CBFA2T3: variants seen among roughly 807,000 people sequenced by gnomAD.
The protein encoded by CBFA2T3 is CBFA2/RUNX1 partner transcriptional co-repressor 3.
In CBFA2T3, 31 loss-of-function variants were observed where a neutral mutation model predicts 58.6. The ratio of observed to expected loss-of-function variants is 0.53; its 90% CI spans 0.40 to 0.71. The LOEUF is 0.71. Ranked by LOEUF, CBFA2T3 falls within the 30% of genes least tolerant of loss-of-function variation. CBFA2T3 has a pLI of 0.00. For synonymous variants in CBFA2T3, 531 were observed against 421.9 expected, an observed-to-expected ratio of 1.26 and a Z score of -3.17; for missense variants, 1,076 against 963.1, an observed-to-expected ratio of 1.12 and a Z score of -1.55.
Position 88,950,286 on chromosome 16 carries a change from C to T in CBFA2T3, c.151+26371G>A, listed in dbSNP as rs577724964. ...GTTCACCCGTCCCCTGGACCGGCAC[C>T]GCCACAGAGGGTCAGAGTGTTGGCA... On this transcript the variant is annotated intron_variant, in intron 1 of 11. Coordinates refer to ENST00000268679, the MANE Select transcript of CBFA2T3 (RefSeq NM_005187.6). 1.5e-3 allele frequency: 651 copies of T among 426,664 alleles called. 2 individuals carry two copies. Among genetic ancestry groups the T allele is most frequent in the Non-Finnish European group, 2.7e-3 (565 of 211,116 alleles). 26.4% of individuals were successfully genotyped at this position (426,664 alleles called of 1,614,324 possible).
chr16:88,886,195 C>T, intron 5 of CBFA2T3, 53 bp from the exon 6 acceptor site: 11 of 1,374,752 alleles, frequency 8.0e-6, no homozygotes, highest in Non-Finnish European at 8.6e-6. Flanking sequence ...CACAGCCCTG[C>T]TCAGGTCCGA....
intron 1 of CBFA2T3, among the ~76,000 whole-genome samples, chr16:88,972,338 G>A (rs368241662): frequency 9.9e-5 from 15 of 152,128 alleles, no homozygotes; most frequent in African/African-American, 3.6e-4. Flanking sequence ...GAGATAGTTG[G>A]GGGGGAGTCA....
intron 1 of CBFA2T3, among the ~76,000 whole-genome samples, chr16:88,932,395 G>T (rs900745765): frequency 4.6e-5 from 7 of 152,164 alleles, no homozygotes; most frequent in Admixed American, 2.6e-4. Flanking sequence ...AGCACTTTGG[G>T]AGGCTGAGGT....
intron 1 of CBFA2T3, among the ~76,000 whole-genome samples, chr16:88,925,106 G>A (rs978008578): frequency 2.6e-5 from 4 of 152,272 alleles, no homozygotes; most frequent in African/African-American, 4.8e-5. Context: ...CACAGCAACG[G>A]CCTCGTCCTG....
At chr16:88,922,741 G>C (rs748055861) in intron 1 of CBFA2T3, among the ~76,000 whole-genome samples, 11 of 152,218 alleles carry the variant, frequency 7.2e-5, no homozygotes, top group Non-Finnish European at 1.5e-4. Flanking sequence ...CCCCTTCCTG[G>C]AATCCCATCC....
chr16:88,963,617 T>C (rs1362339933), intron 1 of CBFA2T3, among the ~76,000 whole-genome samples: 2 of 152,288 alleles, frequency 1.3e-5, no homozygotes, highest in African/African-American at 4.8e-5. Context: ...TTCCATAAAA[T>C]GGGACCAGAC....
intron 1 of CBFA2T3, among the ~76,000 whole-genome samples, chr16:88,961,637 T>C (rs945547438): frequency 5.0e-5 from 6 of 118,900 alleles, no homozygotes; most frequent in Non-Finnish European, 8.7e-5. Flanking sequence ...TCCCACTCCA[T>C]AGTAACCGAC....
intron 1 of CBFA2T3, among the ~76,000 whole-genome samples, chr16:88,945,260 AG>A (rs1454618130): frequency 6.6e-6 from 1 of 152,232 alleles, no homozygotes; most frequent in African/African-American, 2.4e-5. Flanking sequence ...TAGAACAGTG[AG>A]TTTTTAAATA....
intron 3 of CBFA2T3, among the ~76,000 whole-genome samples, chr16:88,892,893 C>G (rs537074298): frequency 6.6e-6 from 1 of 152,322 alleles, no homozygotes; most frequent in East Asian, 1.9e-4. Context: ...GGGACTTGCT[C>G]TGGGGCTGAA....
intron 1 of CBFA2T3, among the ~76,000 whole-genome samples, chr16:88,917,626 G>A (rs1396431721): frequency 6.6e-6 from 1 of 152,190 alleles, no homozygotes; most frequent in Non-Finnish European, 1.5e-5. Flanking sequence ...GAGGGCGGCT[G>A]CCAAGTTTAA....
Position 88,958,046 on chromosome 16 carries a change from G to A in CBFA2T3, c.151+18611C>T, listed in dbSNP as rs1972263849. Among the ~76,000 whole-genome samples, 1 of 152,232 alleles carries A rather than the reference G, an allele frequency of 6.6e-6. No homozygotes were observed. Among genetic ancestry groups the A allele is most frequent in the Non-Finnish European group, 1.5e-5 (1 of 68,046 alleles). On this transcript the variant is annotated intron_variant, in intron 1 of 11. Transcript: ENST00000268679. The surrounding 1 kb of genome is among the most constrained non-coding windows in gnomAD (Gnocchi z 4.0). The stretch of plus-strand genomic sequence containing the variant: ...AAACCACAGTAGACCCGGAACGAAA[G>A]TACCTGTGAGCTGCTCACAATCCCT...
At chr16:88,917,359 C>T (rs1226329694) in intron 1 of CBFA2T3, among the ~76,000 whole-genome samples, 3 of 149,422 alleles carry the variant, frequency 2.0e-5, no homozygotes, top group African/African-American at 7.3e-5. Flanking sequence ...AGGGGAGGGC[C>T]TGCCCCGGGG....
chr16:88,882,738 C>T lies in CBFA2T3; in HGVS notation c.1141G>A (p.Glu381Lys). 1.3e-6 allele frequency: 2 copies of T among 1,585,838 alleles called. No individual in the cohort carries two copies. Among genetic ancestry groups the T allele is most frequent in the Admixed American group, 1.8e-5 (1 of 55,738 alleles). The stretch of plus-strand genomic sequence containing the variant: ...TCTGTGAGCTTGTGGTCGATCACTT[C>T]TTCCTGCCGGGACCCAGGCACCACT... The part of the protein sequence containing the change: ...PLVVPGSRQE[E>K]VIDHKLTERE... The change falls in exon 8 of 12, where the codon GAA (glutamate) becomes AAA (lysine). Residue 381 changes from glutamate to lysine, a missense_variant. By Grantham distance (56) the Glu-to-Lys change is moderately conservative. Coordinates refer to ENST00000268679, the MANE Select transcript of CBFA2T3 (RefSeq NM_005187.6).
chr16:88,946,591 T>G (rs1971908220), intron 1 of CBFA2T3, among the ~76,000 whole-genome samples: 1 of 151,104 alleles, frequency 6.6e-6, no homozygotes, highest in Non-Finnish European at 1.5e-5. Context: ...CAAGCAATTC[T>G]CCTGCCTCAG....
chr16:88,936,640 C>CG (rs1381910446), intron 1 of CBFA2T3: 2 of 152,456 alleles, frequency 1.3e-5, no homozygotes, highest in Non-Finnish European at 2.9e-5. Context: ...GACAGCAGTG[C>CG]GGGGTGAGCT....
At chr16:88,907,569 CAG>C (rs1483699122) in intron 1 of CBFA2T3, among the ~76,000 whole-genome samples, 3 of 152,254 alleles carry the variant, frequency 2.0e-5, no homozygotes, top group Non-Finnish European at 2.9e-5. Context: ...AGTGGGGAAA[CAG>C]AGGCACAGAG....
At chr16:88,897,911 C>T (rs1030887146) in intron 3 of CBFA2T3, among the ~76,000 whole-genome samples, 167 bp downstream of exon 3, 6 of 152,130 alleles carry the variant, frequency 3.9e-5, no homozygotes, top group African/African-American at 1.4e-4. Flanking sequence ...TGCCCTCCTG[C>T]GCCCTCTTCT....
At chr16:88,934,075 A>G (rs1971408161) in intron 1 of CBFA2T3, among the ~76,000 whole-genome samples, 1 of 152,168 alleles carries the variant, frequency 6.6e-6, no homozygotes, top group Admixed American at 6.5e-5. Context: ...CCCTTTTTCA[A>G]CGTGGCCACG....
chr16:88,950,037 C>A (rs971242274), intron 1 of CBFA2T3, among the ~76,000 whole-genome samples: 2 of 152,028 alleles, frequency 1.3e-5, no homozygotes, highest in East Asian at 1.9e-4. Flanking sequence ...GGAACGAAAA[C>A]CCCCGCCACT....
Sources: gnomAD v4.1 joint callset for allele counts (sites outside exome capture counted in the v4.1 genomes callset) on GRCh38, gnomAD v4.1.1 for gene constraint, Gnocchi (gnomAD v3.1) non-coding constraint, MANE v1.5 for transcripts, NCBI Gene and HGNC (gene_info 2026-07-23, HGNC 2026-07-21) for gene names.